The following BRINP1 variants were observed in gnomAD, a reference collection of about 807,000 sequenced individuals.
The protein encoded by BRINP1 is BMP/retinoic acid-inducible neural-specific protein 1.
A neutral mutation model predicts 72.9 loss-of-function variants in BRINP1; 17 were observed. That is an observed-to-expected ratio of 0.23 (90% CI 0.16 to 0.35). BRINP1 has a LOEUF of 0.35. BRINP1 is among the 10% of genes least tolerant of loss of function. The pLI is 1.00. For synonymous variants in BRINP1, 418 were observed against 378.5 expected (o/e 1.10, Z -1.21); for missense variants, 850 against 1,001.6 (o/e 0.85, Z 2.04).
At chr9:119,213,435 T>C (rs937768592) in intron 6 of BRINP1, among the ~76,000 whole-genome samples, 1 of 152,236 alleles carries the variant, frequency 6.6e-6, no homozygotes, top group Admixed American at 6.5e-5. Flanking sequence ...ACTTTGAGCT[T>C]TGATAGTCTG....
chr9:119,314,541 T>A (rs1476807495), intron 1 of BRINP1, among the ~76,000 whole-genome samples: 1 of 152,130 alleles, frequency 6.6e-6, no homozygotes, highest in Non-Finnish European at 1.5e-5. Context: ...GATTTTTGTA[T>A]TTTTCATAGA....
At chr9:119,251,259 C>T (rs1172459426) in intron 2 of BRINP1, among the ~76,000 whole-genome samples, 1 of 152,158 alleles carries the variant, frequency 6.6e-6, no homozygotes, top group Non-Finnish European at 1.5e-5. Context: ...GGGGAATGCA[C>T]ATGTCACAGT....
chr9:119,356,746 A>C (rs1177931467), intron 1 of BRINP1, among the ~76,000 whole-genome samples: 2 of 151,560 alleles, frequency 1.3e-5, no homozygotes, highest in Non-Finnish European at 2.9e-5. Flanking sequence ...CGGAGGTTGC[A>C]GTAAACCGAG....
intron 7 of BRINP1, among the ~76,000 whole-genome samples, chr9:119,169,550 G>A (rs1294343030): frequency 6.6e-6 from 1 of 152,218 alleles, no homozygotes; most frequent in Non-Finnish European, 1.5e-5. Flanking sequence ...CAGCGGGCTG[G>A]GGGAGGGGCG....
chr9:119,212,546 G>C (rs1037438707), intron 6 of BRINP1, among the ~76,000 whole-genome samples: 1 of 152,134 alleles, frequency 6.6e-6, no homozygotes, highest in Non-Finnish European at 1.5e-5. Flanking sequence ...TGCAACCCTA[G>C]GGAAAACACT....
At chr9:119,287,340 T>C (rs1830772495) in intron 2 of BRINP1, among the ~76,000 whole-genome samples, 1 of 152,202 alleles carries the variant, frequency 6.6e-6, no homozygotes, top group Non-Finnish European at 1.5e-5. Flanking sequence ...TTTCACATAC[T>C]CTCCTGGGAG....
intron 2 of BRINP1, among the ~76,000 whole-genome samples, chr9:119,252,771 G>A (rs1238795982): frequency 6.6e-6 from 1 of 152,102 alleles, no homozygotes; most frequent in Non-Finnish European, 1.5e-5. Flanking sequence ...ATATCGAGAG[G>A]TAGAATATAA....
chr9:119,176,097 T>C (rs185464943), intron 7 of BRINP1, among the ~76,000 whole-genome samples: 3 of 152,300 alleles, frequency 2.0e-5, no homozygotes, highest in Non-Finnish European at 2.9e-5. Flanking sequence ...ATAAAAGCGG[T>C]TGTTATTCCT....
chr9:119,169,253 CGCAGGTCATTGGGT>C (rs780841356), intron 7 of BRINP1, among the ~76,000 whole-genome samples: 15 of 152,160 alleles, frequency 9.9e-5, no homozygotes, highest in Non-Finnish European at 1.5e-4. Flanking sequence ...AGACAGTGGG[CGCAGGTCATTGGGT>C]GCACGCACCG....
intron 1 of BRINP1, among the ~76,000 whole-genome samples, chr9:119,348,217 T>C (rs1831468495): frequency 6.6e-6 from 1 of 152,230 alleles, no homozygotes; most frequent in Non-Finnish European, 1.5e-5. Flanking sequence ...TTATACAATA[T>C]ACATCCTTTT....
intron 7 of BRINP1, among the ~76,000 whole-genome samples, chr9:119,173,932 C>T (rs1220495484): frequency 7.8e-6 from 1 of 128,878 alleles, no homozygotes; most frequent in Non-Finnish European, 1.5e-5. Context: ...ACTGGCTAGC[C>T]ATATGTAGAA....
intron 2 of BRINP1, among the ~76,000 whole-genome samples, chr9:119,274,054 A>G (rs1160231615): frequency 1.3e-5 from 2 of 152,242 alleles, no homozygotes; most frequent in African/African-American, 4.8e-5. Context: ...TACAGATTGT[A>G]GCAGGTTAGG....
chr9:119,264,194 A>C (rs1178836343), intron 2 of BRINP1, among the ~76,000 whole-genome samples: 1 of 152,170 alleles, frequency 6.6e-6, no homozygotes. Flanking sequence ...AATCCTTAAC[A>C]CCTTAGTGGG....
At chr9:119,309,516 T>C (rs1156235207) in intron 2 of BRINP1, among the ~76,000 whole-genome samples, 1 of 152,312 alleles carries the variant, frequency 6.6e-6, no homozygotes, top group Non-Finnish European at 1.5e-5. Flanking sequence ...ATGACTAATA[T>C]ATGTATAGTC....
chr9:119,355,399 A>G (rs1255591858), intron 1 of BRINP1, among the ~76,000 whole-genome samples: 1 of 152,184 alleles, frequency 6.6e-6, no homozygotes, highest in East Asian at 1.9e-4. Flanking sequence ...CAGCATAACT[A>G]GAAGGAAGGT....
At chr9:119,236,058 TTAA>T (rs1433028266) in intron 5 of BRINP1, among the ~76,000 whole-genome samples, 1 of 152,216 alleles carries the variant, frequency 6.6e-6, no homozygotes, top group Non-Finnish European at 1.5e-5. Flanking sequence ...GTCCATTTTA[TTAA>T]TATTAATGGG....
intron 7 of BRINP1, among the ~76,000 whole-genome samples, chr9:119,202,845 G>A (rs1240296980): frequency 6.6e-6 from 1 of 152,158 alleles, no homozygotes; most frequent in Non-Finnish European, 1.5e-5. Flanking sequence ...ACTGGGCGCT[G>A]GAGTGGAATG....
chr9:119,256,424 G>A (rs553052344), intron 2 of BRINP1, among the ~76,000 whole-genome samples: 58 of 152,240 alleles, frequency 3.8e-4, no homozygotes, highest in African/African-American at 1.1e-3. Context: ...TAAGCTGAAA[G>A]TAGCAAGGCT....
At chr9:119,252,283 C>T (rs1176011712) in intron 2 of BRINP1, among the ~76,000 whole-genome samples, 1 of 152,106 alleles carries the variant, frequency 6.6e-6, no homozygotes, top group Non-Finnish European at 1.5e-5. Flanking sequence ...GAGATGACTG[C>T]AGCCTGGTAA....
Sources: allele counts gnomAD v4.1 joint callset (sites outside exome capture counted in the v4.1 genomes callset), GRCh38; gene constraint gnomAD v4.1.1; transcripts MANE v1.5; gene names NCBI Gene and HGNC (gene_info 2026-07-23, HGNC 2026-07-21).